Variants in LRP1B observed in about 807,000 individuals in gnomAD.
The protein encoded by LRP1B is LDL receptor related protein 1B, also known as low-density lipoprotein receptor-related protein 1B.
In LRP1B, 217 loss-of-function variants were observed where a neutral mutation model predicts 556.6. The ratio of observed to expected loss-of-function variants is 0.39; its 90% CI spans 0.35 to 0.44. The LOEUF (loss-of-function observed/expected upper bound fraction) is 0.44, where lower values mean the gene tolerates loss of function less well. Among genes scored for constraint, LRP1B ranks in the 20% least tolerant of loss-of-function variants. The pLI is 1.00. For missense variants in LRP1B, 5,053 were observed against 5,620.8 expected, an observed-to-expected ratio of 0.90 and a Z score of 3.23; for synonymous variants, 2,047 against 1,865.8, an observed-to-expected ratio of 1.10 and a Z score of -2.50.
At chr2:140,601,085 CAA>C (rs5834760) in intron 42 of LRP1B, among the ~76,000 whole-genome samples, 6,036 of 135,764 alleles carry the variant, frequency 0.044, 165 homozygotes, top group Middle Eastern at 0.095. Context: ...GATTAAAATG[CAA>C]AAAAAAAAAA....
intron 43 of LRP1B, among the ~76,000 whole-genome samples, chr2:140,542,178 AGT>A: frequency 6.6e-6 from 1 of 152,192 alleles, no homozygotes; most frequent in Admixed American, 6.6e-5. Context: ...TAGTGCTTGC[AGT>A]GTGTTTACAT....
chr2:140,886,624 G>T (rs1250674292), intron 23 of LRP1B, among the ~76,000 whole-genome samples: 5 of 148,248 alleles, frequency 3.4e-5, no homozygotes, highest in African/African-American at 1.2e-4. Flanking sequence ...AGGATTTTCT[G>T]TTTTTTTTTT....
At chr2:141,179,028 G>A (rs774460506) in intron 7 of LRP1B, among the ~76,000 whole-genome samples, 1 of 151,866 alleles carries the variant, frequency 6.6e-6, no homozygotes, top group Non-Finnish European at 1.5e-5. Flanking sequence ...TGATATTCAG[G>A]CAAAGCTTAG....
At chr2:140,874,591 G>T (rs1388849233) in intron 25 of LRP1B, among the ~76,000 whole-genome samples, 1 of 151,030 alleles carries the variant, frequency 6.6e-6, no homozygotes, top group East Asian at 1.9e-4. Context: ...TTAAGTTTTG[G>T]TTTGCTTAGG....
intron 3 of LRP1B, among the ~76,000 whole-genome samples, chr2:141,412,721 A>G (rs1289516261): frequency 2.0e-5 from 3 of 151,960 alleles, no homozygotes; most frequent in Non-Finnish European, 4.4e-5. Flanking sequence ...TTTATGGGGG[A>G]AAACAAAAAT....
At chr2:140,674,821 A>G (rs1685614144) in intron 41 of LRP1B, among the ~76,000 whole-genome samples, 1 of 152,362 alleles carries the variant, frequency 6.6e-6, no homozygotes, top group African/African-American at 2.4e-5. Flanking sequence ...GACATTTGTT[A>G]TAGCAGCACT....
At chr2:140,299,705 G>T (rs911529369) in intron 83 of LRP1B, among the ~76,000 whole-genome samples, 1 of 151,942 alleles carries the variant, frequency 6.6e-6, no homozygotes, top group African/African-American at 2.4e-5. Flanking sequence ...ATAATTGTTG[G>T]AACGTGATTA....
chr2:140,748,154 GTA>G (rs1688390655), intron 35 of LRP1B, among the ~76,000 whole-genome samples: 2 of 127,342 alleles, frequency 1.6e-5, no homozygotes, highest in East Asian at 2.3e-4. Flanking sequence ...ATATATGTGT[GTA>G]TATATTCATA....
rs1328547401 is a variant in LRP1B, at chr2:141,151,271, G to T, written c.1013+37150C>A. Among the ~76,000 whole-genome samples the T allele has an allele frequency of 2.0e-5, 3 of 152,216 alleles. No individual in the cohort carries two copies. In the South Asian group the frequency reaches 6.2e-4, roughly 32 times the overall value. ...GATCATTTAGATAGGAAAAAGGAAT[G>T]CAGTAAATCATACACTGGCTCTAGA... On this transcript the variant is annotated intron_variant, in intron 7 of 90. Transcript: ENST00000389484.
rs182494487 is a variant in LRP1B at position 141,623,907 on chromosome 2, C to T, written c.206-143374G>A. Among the ~76,000 whole-genome samples, 403 of 149,972 alleles carry T rather than the reference C, an allele frequency of 2.7e-3. 2 individuals carry two copies. The highest frequency in any genetic ancestry group is 9.5e-3 in the African/African-American group (387 of 40,816). On this transcript the variant is annotated intron_variant, in intron 2 of 90. Coordinates refer to ENST00000389484, the MANE Select transcript of LRP1B (RefSeq NM_018557.3). ...GCAGGTTCGTGTAATCCCAGCTACTCGGGAGGCTGAGGCAGGATAATTGCT... is the reference window on the plus strand; with the variant it reads ...GCAGGTTCGTGTAATCCCAGCTACTTGGGAGGCTGAGGCAGGATAATTGCT...
intron 4 of LRP1B, among the ~76,000 whole-genome samples, chr2:141,252,657 G>T (rs1291555448): frequency 2.0e-5 from 3 of 152,056 alleles, no homozygotes; most frequent in Non-Finnish European, 4.4e-5. Flanking sequence ...TGCTGTTCAG[G>T]AGAGCAATAT....
At chr2:141,785,877 G>GAGAA (rs1438514617) in intron 2 of LRP1B, among the ~76,000 whole-genome samples, 4 of 151,684 alleles carry the variant, frequency 2.6e-5, no homozygotes, top group African/African-American at 9.7e-5. Flanking sequence ...GAATTCCAAG[G>GAGAA]AGAAAGAAAG....
chr2:141,518,655 G>T (rs1684413684), intron 2 of LRP1B, among the ~76,000 whole-genome samples: 1 of 152,130 alleles, frequency 6.6e-6, no homozygotes, highest in Non-Finnish European at 1.5e-5. Flanking sequence ...TAGAATAAAA[G>T]AGGGAGAGAG....
intron 1 of LRP1B, among the ~76,000 whole-genome samples, chr2:142,039,811 CAT>C (rs1260921500): frequency 2.6e-5 from 4 of 151,494 alleles, no homozygotes; most frequent in Admixed American, 6.6e-5. Flanking sequence ...TTTGTCAAAA[CAT>C]ATTTTGTATT....
chr2:142,075,156 T>C (rs2104919095), intron 1 of LRP1B, among the ~76,000 whole-genome samples: 1 of 152,198 alleles, frequency 6.6e-6, no homozygotes, highest in South Asian at 2.1e-4. Flanking sequence ...AGTTCTGCTA[T>C]AGATAAAAAA....
At chr2:140,843,081 GTTTGTTTTTTTTTTTTTTGTTTTTT>G (rs1559151611) in intron 29 of LRP1B, among the ~76,000 whole-genome samples, 1 of 18,730 alleles carries the variant, frequency 5.3e-5, no homozygotes, top group Non-Finnish European at 1.1e-4. Context: ...TTTTTTTTTT[GTTTGTTTTTTTTTTTTTTGTTTTTT>G]TTTTGGTGGT....
intron 2 of LRP1B, among the ~76,000 whole-genome samples, chr2:141,506,912 A>G (rs1227277472): frequency 6.6e-6 from 1 of 152,082 alleles, no homozygotes; most frequent in African/African-American, 2.4e-5. Flanking sequence ...GTAAATGATG[A>G]TTCTATGTTC....
chr2:140,342,015 G>A (rs759866523), intron 77 of LRP1B, among the ~76,000 whole-genome samples: 5 of 151,248 alleles, frequency 3.3e-5, no homozygotes, highest in African/African-American at 7.3e-5. Context: ...AAAAAACCAC[G>A]ACGAGATCCC....
chr2:140,770,914 A>G lies in LRP1B; in HGVS notation c.5593T>C (p.Tyr1865His). 1.3e-6 allele frequency: 2 copies of G among 1,565,216 alleles called. No individual in the cohort carries two copies. Among genetic ancestry groups the G allele is most frequent in the Non-Finnish European group, 1.7e-6 (2 of 1,161,396 alleles). ...TTRTCMCTVG[Y>H]YLQKNRMSCQ... ...GACATACGGTTCTTTTGGAGATAAT[A>G]TCCCACTGTACACATACAAGTCCTT... is the stretch of plus-strand genomic sequence containing the variant. The change falls in exon 34 of 91, where the codon TAT becomes CAT. Residue 1865 changes from tyrosine to histidine, a missense_variant. This residue lies in a region of LRP1B where 3,619 missense variants were observed against 3,931.9 expected (regional missense o/e 0.92). Coordinates refer to ENST00000389484, the MANE Select transcript of LRP1B (RefSeq NM_018557.3).
Sources: allele counts gnomAD v4.1 joint callset (sites outside exome capture counted in the v4.1 genomes callset), GRCh38; gene constraint gnomAD v4.1.1; regional missense constraint gnomAD v4.1.1; transcripts MANE v1.5; gene names NCBI Gene and HGNC (gene_info 2026-07-23, HGNC 2026-07-21).